Variants in SH3PXD2B observed in about 807,000 individuals in gnomAD.
SH3PXD2B encodes SH3 and PX domain-containing protein 2B.
A neutral mutation model predicts 73.1 loss-of-function variants in SH3PXD2B; 37 were observed. The ratio of observed to expected loss-of-function variants is 0.51; its 90% CI spans 0.39 to 0.67. The LOEUF (loss-of-function observed/expected upper bound fraction) is 0.67. SH3PXD2B is among the 30% of genes least tolerant of loss of function. The pLI, the probability that SH3PXD2B is intolerant of heterozygous loss-of-function variation, is 0.00. For missense variants in SH3PXD2B, 1,053 were observed against 1,197.8 expected, an observed-to-expected ratio of 0.88 and a Z score of 1.78; for synonymous variants, 457 against 480.5, an observed-to-expected ratio of 0.95 and a Z score of 0.64.
intron 1 of SH3PXD2B, among the ~76,000 whole-genome samples, chr5:172,431,227 A>G (rs1177446913): frequency 6.6e-6 from 1 of 152,198 alleles, no homozygotes; most frequent in Admixed American, 6.5e-5. Flanking sequence ...GGACACCATC[A>G]CGTGATCCAA....
chr5:172,362,802 C>T lies in SH3PXD2B; in HGVS notation c.495G>A (p.Lys165=). 1 of 1,614,158 alleles carries T rather than the reference C, an allele frequency of 6.2e-7. No homozygotes were observed. ...EQYVVVANYQ[K]QESSEISLSV... is the part of the protein sequence containing the mutation. ...TGAGGCTGATCTCCGAACTCTCCTGCTTCTGGTAGTTGGCTACCACCACAT... is the reference window on the plus strand; with the variant it reads ...TGAGGCTGATCTCCGAACTCTCCTGTTTCTGGTAGTTGGCTACCACCACAT... The change falls in exon 7 of 13, where the codon AAG becomes AAA. Residue 165 remains lysine, a synonymous_variant. Coordinates refer to ENST00000311601, the MANE Select transcript of SH3PXD2B (RefSeq NM_001017995.3).
chr5:172,334,879 A>T lies in SH3PXD2B; in HGVS notation c.*3490T>A. The T allele has an allele frequency of 1.0e-6, 1 of 985,450 alleles. No homozygotes were observed. The highest frequency in any genetic ancestry group is 1.2e-6 in the Non-Finnish European group (1 of 829,928). The allele number at this position is 985,450 out of a possible 1,614,324, so 61.0% of individuals were successfully genotyped here. A position where few individuals can be genotyped will look rare whatever the true frequency, so the allele number is the denominator to read the frequency against. Reference sequence around the variant, plus strand: ...TGGTAATGAAATCCTCAGTGGGCGCAAACATTTTAGGGCCAAGAACATTGA... The same window carrying T: ...TGGTAATGAAATCCTCAGTGGGCGCTAACATTTTAGGGCCAAGAACATTGA... On this transcript the variant is annotated 3_prime_UTR_variant, in exon 13 of 13. Transcript: ENST00000311601.
At chr5:172,341,454 T>C (rs1756847537) in intron 12 of SH3PXD2B, among the ~76,000 whole-genome samples, 1 of 152,102 alleles carries the variant, frequency 6.6e-6, no homozygotes, top group Non-Finnish European at 1.5e-5. Context: ...AAGTGTGTGG[T>C]GTCTCCTTGC....
At chr5:172,357,401 G>A (rs1015451302) in intron 8 of SH3PXD2B, among the ~76,000 whole-genome samples, 3 of 151,724 alleles carry the variant, frequency 2.0e-5, no homozygotes, top group Admixed American at 6.6e-5. Context: ...TCCAGCCTGG[G>A]AGACAGAGCA....
chr5:172,411,152 CT>C (rs2113440866), intron 2 of SH3PXD2B, among the ~76,000 whole-genome samples: 1 of 152,238 alleles, frequency 6.6e-6, no homozygotes, highest in East Asian at 1.9e-4. Flanking sequence ...ACACTATCTA[CT>C]TTTTCCCTTC....
At chr5:172,375,933 C>T (rs1349968360) in intron 5 of SH3PXD2B, among the ~76,000 whole-genome samples, 1 of 152,134 alleles carries the variant, frequency 6.6e-6, no homozygotes, top group East Asian at 1.9e-4. Context: ...AAGTGCCACA[C>T]AGATGTCCAC....
chr5:172,330,045 G>GA (rs1004114626), downstream of SH3PXD2B, among the ~76,000 whole-genome samples: 2 of 152,154 alleles, frequency 1.3e-5, no homozygotes, highest in Non-Finnish European at 2.9e-5. Context: ...CTTAGGACCA[G>GA]AAGTGTTGTG....
chr5:172,422,770 C>A (rs570628540), intron 1 of SH3PXD2B, among the ~76,000 whole-genome samples: 1 of 152,184 alleles, frequency 6.6e-6, no homozygotes, highest in Non-Finnish European at 1.5e-5. Context: ...CTGCTGTTTT[C>A]GGCATTGCCA....
At chr5:172,391,427 G>A (rs75972644) in intron 4 of SH3PXD2B, among the ~76,000 whole-genome samples, 9,385 of 152,132 alleles carry the variant, frequency 0.062, 429 homozygotes, top group African/African-American at 0.14. Flanking sequence ...TCAGATATAT[G>A]ATTAACAAAT....
chr5:172,401,569 C>T (rs6899216), intron 3 of SH3PXD2B, among the ~76,000 whole-genome samples: 45,856 of 152,002 alleles, frequency 0.3, 7,470 homozygotes, highest in East Asian at 0.66. Context: ...AAGCCTTCAT[C>T]GCCATGGCAC....
intron 1 of SH3PXD2B, among the ~76,000 whole-genome samples, chr5:172,439,113 A>ATG (rs1759460226): frequency 6.6e-6 from 1 of 151,480 alleles, no homozygotes; most frequent in Admixed American, 6.6e-5. Flanking sequence ...GGTGGTGCGC[A>ATG]CCTGTAGTCC....
At position 172,333,596 on chromosome 5, in the gene SH3PXD2B, C is replaced by T. The variant is rs146679204; in HGVS notation, c.*4773G>A. On this transcript the variant is annotated 3_prime_UTR_variant, in exon 13 of 13. Transcript: ENST00000311601. ...TAAAGTATATAGCCTACACATGCTACAGCTAGTTGTTCTCACCCCTCCCCT... is the reference window on the plus strand; with the variant it reads ...TAAAGTATATAGCCTACACATGCTATAGCTAGTTGTTCTCACCCCTCCCCT... The T allele has an allele frequency of 4.7e-6, 6 of 1,271,658 alleles. No individual in the cohort carries two copies. In the African/African-American group the frequency reaches 7.8e-5, roughly 16 times the overall value. 78.8% of individuals were successfully genotyped at this position (1,271,658 alleles called of 1,614,324 possible). A position where few individuals can be genotyped will look rare whatever the true frequency, so the allele number is the denominator to read the frequency against.
At chr5:172,357,327 G>A (rs1757303636) in intron 8 of SH3PXD2B, among the ~76,000 whole-genome samples, 1 of 151,848 alleles carries the variant, frequency 6.6e-6, no homozygotes, top group Non-Finnish European at 1.5e-5. Context: ...GAGAGGCTGA[G>A]GCAGGAGAAT....
At chr5:172,453,485 C>A (rs1453744916) in intron 1 of SH3PXD2B, among the ~76,000 whole-genome samples, 1 of 152,180 alleles carries the variant, frequency 6.6e-6, no homozygotes, top group Non-Finnish European at 1.5e-5. Context: ...TGCAGGTCAC[C>A]GTCAGCCCCA....
At chr5:172,360,641 G>C (rs1257260826) in intron 7 of SH3PXD2B, among the ~76,000 whole-genome samples, 1 of 152,214 alleles carries the variant, frequency 6.6e-6, no homozygotes, top group East Asian at 1.9e-4. Context: ...AGACCAGCCT[G>C]ACCAATATGG....
intron 3 of SH3PXD2B, 127 bp from the exon 4 acceptor site, chr5:172,394,766 C>A: frequency 1.1e-6 from 1 of 901,878 alleles, no homozygotes; most frequent in Non-Finnish European, 1.8e-6. Context: ...TGGCTGCGAT[C>A]AAGGTACCCC....
intron 1 of SH3PXD2B, among the ~76,000 whole-genome samples, chr5:172,439,688 G>GCACACACACACACACACACACACA (rs1166130299): frequency 1.9e-5 from 2 of 104,170 alleles, no homozygotes; most frequent in Admixed American, 9.7e-5. Context: ...GCGCGCACGC[G>GCACACACACACACACACACACACA]CGCGCACACA....
chr5:172,416,286 G>A (rs981935597), intron 2 of SH3PXD2B, among the ~76,000 whole-genome samples: 3 of 151,734 alleles, frequency 2.0e-5, no homozygotes, highest in Admixed American at 6.6e-5. Context: ...CTGTGATGGC[G>A]CCACTGCACT....
At chr5:172,412,827 AC>A (rs1276475344) in intron 2 of SH3PXD2B, among the ~76,000 whole-genome samples, 21 of 152,340 alleles carry the variant, frequency 1.4e-4, no homozygotes, top group Middle Eastern at 3.4e-3. Flanking sequence ...CCCCCAGATA[AC>A]AAAAGAAGTG....
Sources: allele counts gnomAD v4.1 joint callset (sites outside exome capture counted in the v4.1 genomes callset), GRCh38; gene constraint gnomAD v4.1.1; transcripts MANE v1.5; gene names NCBI Gene and HGNC (gene_info 2026-07-23, HGNC 2026-07-21).